Variants in ST6GALNAC3 observed in about 807,000 individuals in gnomAD.
ST6GALNAC3 encodes the protein alpha-N-acetylgalactosaminide alpha-2,6-sialyltransferase 3.
Under a neutral mutation model 32.7 loss-of-function variants are expected in ST6GALNAC3, and 25 were observed. The observed-to-expected ratio is 0.76, with a 90% CI of 0.56 to 1.07. ST6GALNAC3 has a LOEUF of 1.07. ST6GALNAC3 is among the 50% of genes least tolerant of loss of function. The pLI, the probability that ST6GALNAC3 is intolerant of heterozygous loss-of-function variation, is 0.00. For missense variants in ST6GALNAC3, 355 were observed against 382.4 expected (o/e 0.93, Z 0.60); for synonymous variants, 129 against 133.1 (o/e 0.97, Z 0.21).
At chr1:76,221,329 G>A (rs1655756258) in intron 1 of ST6GALNAC3, among the ~76,000 whole-genome samples, 1 of 152,164 alleles carries the variant, frequency 6.6e-6, no homozygotes, top group Non-Finnish European at 1.5e-5. Context: ...GGCTTGGGAA[G>A]GGTCCACAGG....
intron 3 of ST6GALNAC3, among the ~76,000 whole-genome samples, chr1:76,418,524 A>C (rs1202661570): frequency 6.6e-6 from 1 of 152,160 alleles, no homozygotes; most frequent in Admixed American, 6.5e-5. Flanking sequence ...GTTATTCCTA[A>C]CTCAGAATAA....
At position 76,129,874 on chromosome 1, in the gene ST6GALNAC3, C is replaced by T. The variant is rs77419512; in HGVS notation, c.18+54990C>T. Among the ~76,000 whole-genome samples, 1,205 of 152,276 alleles carry T rather than the reference C, an allele frequency of 7.9e-3. 14 individuals carry two copies. The highest frequency in any genetic ancestry group is 0.027 in the African/African-American group (1,118 of 41,540). On this transcript the variant is annotated intron_variant, in intron 1 of 4. Coordinates refer to ENST00000328299, the MANE Select transcript of ST6GALNAC3 (RefSeq NM_152996.4). Reference sequence around the variant, plus strand: ...GATCCAGTGTGATCCATCTGCCAAACGAGCCTGCTGATACCCCTCACGATA... The same window carrying T: ...GATCCAGTGTGATCCATCTGCCAAATGAGCCTGCTGATACCCCTCACGATA...
At chr1:76,150,717 G>A (rs775252586) in intron 1 of ST6GALNAC3, among the ~76,000 whole-genome samples, 5 of 152,244 alleles carry the variant, frequency 3.3e-5, no homozygotes, top group East Asian at 1.9e-4. Context: ...TCCCTGCTTC[G>A]TTCCCACCTC....
chr1:76,473,117 A>C (rs1212495853), intron 3 of ST6GALNAC3, among the ~76,000 whole-genome samples: 1 of 152,106 alleles, frequency 6.6e-6, no homozygotes, highest in Non-Finnish European at 1.5e-5. Flanking sequence ...TGGGGAGTAG[A>C]GAGTTGAAAG....
rs1216576907 is a variant in ST6GALNAC3 at position 76,493,528 on chromosome 1, A to T, written c.623+81111A>T. On this transcript the variant is annotated intron_variant, in intron 3 of 4. Transcript: ENST00000328299. ...TCCTGATTTTGATTGACCATTTCTC[A>T]AATTTCCCCTATTAATTTGGAATCT... Among the ~76,000 whole-genome samples, 10 of 152,220 alleles carry T rather than the reference A, an allele frequency of 6.6e-5. No individual in the cohort carries two copies. In the East Asian group the frequency reaches 1.9e-3, roughly 29 times the overall value.
At chr1:76,125,291 G>C (rs991585368) in intron 1 of ST6GALNAC3, among the ~76,000 whole-genome samples, 3 of 152,204 alleles carry the variant, frequency 2.0e-5, no homozygotes, top group Admixed American at 1.3e-4. Context: ...CCTGTTCCCT[G>C]GACCTCCTTA....
chr1:76,216,302 G>A (rs544362007), intron 1 of ST6GALNAC3, among the ~76,000 whole-genome samples: 3 of 151,900 alleles, frequency 2.0e-5, no homozygotes, highest in South Asian at 2.1e-4. Context: ...ACACAAATAC[G>A]CATATATGTG....
intron 1 of ST6GALNAC3, among the ~76,000 whole-genome samples, chr1:76,290,169 C>T (rs1049419466): frequency 1.3e-5 from 2 of 152,220 alleles, no homozygotes; most frequent in African/African-American, 4.8e-5. Context: ...GGTTCCAGTT[C>T]CCTGCTCCCT....
chr1:76,515,667 AGTTG>A (rs1416171307), intron 3 of ST6GALNAC3, among the ~76,000 whole-genome samples: 6 of 152,098 alleles, frequency 3.9e-5, no homozygotes, highest in African/African-American at 1.4e-4. Context: ...CTACTTACCC[AGTTG>A]GTTACTTTGG....
In ST6GALNAC3 at chr1:76,449,053, C is replaced by T. The variant is rs184505061; in HGVS notation, c.623+36636C>T. On this transcript the variant is annotated intron_variant, in intron 3 of 4. Transcript: ENST00000328299. ...GGCCAGGCTGGTCTCAAACTCCTGA[C>T]CTTGTGATCTGCCTTCCTCAGCCAC... 1.5e-3 allele frequency among the ~76,000 whole-genome samples: 229 copies of T among 152,200 alleles called. 1 individual carries two copies. Among genetic ancestry groups the T allele is most frequent in the African/African-American group, 5.4e-3 (223 of 41,526 alleles).
chr1:76,560,294 C>T (rs1348373731), intron 3 of ST6GALNAC3, among the ~76,000 whole-genome samples: 2 of 152,032 alleles, frequency 1.3e-5, no homozygotes, highest in Non-Finnish European at 2.9e-5. Flanking sequence ...TATTGAGATA[C>T]CCCAAAAGTA....
intron 3 of ST6GALNAC3, among the ~76,000 whole-genome samples, chr1:76,567,400 A>G (rs1390035846): frequency 6.6e-6 from 1 of 152,212 alleles, no homozygotes; most frequent in Non-Finnish European, 1.5e-5. Context: ...AAAAGGGAGG[A>G]CTACCAGTTG....
rs558927766 is a variant in ST6GALNAC3 at position 76,478,929 on chromosome 1, A to AT, written c.623+66519dup. On this transcript the variant is annotated intron_variant, in intron 3 of 4. Coordinates refer to ENST00000328299, the MANE Select transcript of ST6GALNAC3 (RefSeq NM_152996.4). Reference sequence around the variant, plus strand: ...AGGTGCCCGCCACCACGCCCGGCTAATTTTTTTGTATTTTTAGTAGAGACG... The same window carrying AT: ...AGGTGCCCGCCACCACGCCCGGCTAATTTTTTTTGTATTTTTAGTAGAGACG... 5.3e-5 allele frequency among the ~76,000 whole-genome samples: 8 copies of AT among 151,186 alleles called. No individual in the cohort carries two copies. In the East Asian group the frequency reaches 9.8e-4, roughly 19 times the overall value.
intron 3 of ST6GALNAC3, among the ~76,000 whole-genome samples, chr1:76,553,749 C>T (rs1278632010): frequency 2.0e-5 from 3 of 152,072 alleles, no homozygotes; most frequent in African/African-American, 7.2e-5. Context: ...AGATCTGATG[C>T]TAAGCAAAGA....
intron 3 of ST6GALNAC3, among the ~76,000 whole-genome samples, chr1:76,559,185 G>A (rs569741537): frequency 1.7e-3 from 261 of 152,168 alleles, no homozygotes; most frequent in Non-Finnish European, 1.1e-3. Context: ...GGTTCAAGAA[G>A]GCCAAATCTA....
intron 1 of ST6GALNAC3, among the ~76,000 whole-genome samples, chr1:76,077,247 A>G (rs1410302050): frequency 6.7e-6 from 1 of 149,650 alleles, no homozygotes; most frequent in Non-Finnish European, 1.5e-5. Flanking sequence ...TTATGAGGAT[A>G]AAACTATGGA....
rs1647012456 is a variant in ST6GALNAC3, at chr1:76,089,396, T to C, written c.18+14512T>C. On this transcript the variant is annotated intron_variant, in intron 1 of 4. Coordinates refer to ENST00000328299, the MANE Select transcript of ST6GALNAC3 (RefSeq NM_152996.4). ...AGAGTCCTTGGGTTGGCTCTGGCCA[T>C]TGTATTTTGTATTTGGAAATTATTT... Among the ~76,000 whole-genome samples the C allele has an allele frequency of 2.6e-5, 4 of 152,084 alleles. No individual in the cohort carries two copies. In the East Asian group the frequency reaches 7.7e-4, roughly 29 times the overall value.
chr1:76,446,774 G>T (rs112060999), intron 3 of ST6GALNAC3, among the ~76,000 whole-genome samples: 4,071 of 152,236 alleles, frequency 0.027, 114 homozygotes, highest in Non-Finnish European at 0.038. Flanking sequence ...TTCTTTGCCT[G>T]CTGCCATCCC....
intron 3 of ST6GALNAC3, among the ~76,000 whole-genome samples, chr1:76,577,959 C>G (rs923281698): frequency 2.0e-5 from 3 of 152,042 alleles, no homozygotes; most frequent in Non-Finnish European, 4.4e-5. Flanking sequence ...ACAGACGATT[C>G]TTTTTGCCAT....
Sources: gnomAD v4.1 joint callset for allele counts (sites outside exome capture counted in the v4.1 genomes callset) on GRCh38, gnomAD v4.1.1 for gene constraint, MANE v1.5 for transcripts, NCBI Gene and HGNC (gene_info 2026-07-23, HGNC 2026-07-21) for gene names.